Variants in CADM2 observed in about 807,000 individuals in gnomAD.
CADM2 encodes immunoglobulin superfamily member 4D.
In CADM2, 12 loss-of-function variants were observed where a neutral mutation model predicts 49.8. The ratio of observed to expected loss-of-function variants is 0.24; its 90% CI spans 0.15 to 0.39. The LOEUF (loss-of-function observed/expected upper bound fraction) is 0.39. Among genes scored for constraint, CADM2 ranks in the 10% least tolerant of loss-of-function variants. The probability of loss-of-function intolerance (pLI) is 1.00; values close to 1 mark genes in which losing one functional copy is unlikely to be tolerated. For synonymous variants in CADM2, 214 were observed against 175.4 expected (o/e 1.22, Z -1.74); for missense variants, 378 against 492.3 (o/e 0.77, Z 2.20).
intron 1 of CADM2, among the ~76,000 whole-genome samples, chr3:85,428,830 C>T (rs1056977170): frequency 1.3e-5 from 2 of 151,372 alleles, no homozygotes; most frequent in Non-Finnish European, 3.0e-5. Flanking sequence ...TTCTTTTACA[C>T]TCTTTTGCCT....
intron 1 of CADM2, among the ~76,000 whole-genome samples, chr3:84,985,390 A>G (rs2032493317): frequency 2.0e-5 from 3 of 152,160 alleles, no homozygotes; most frequent in Non-Finnish European, 4.4e-5. Flanking sequence ...AAGTTTTAAC[A>G]AATATAACTT....
intron 6 of CADM2, among the ~76,000 whole-genome samples, chr3:85,919,826 G>C (rs985954957): frequency 2.0e-5 from 3 of 151,770 alleles, no homozygotes; most frequent in African/African-American, 7.2e-5. Context: ...CTGTTTAGTT[G>C]CAAAACAATG....
chr3:85,700,231 A>T (rs545595464), intron 1 of CADM2, among the ~76,000 whole-genome samples: 1 of 152,204 alleles, frequency 6.6e-6, no homozygotes, highest in Non-Finnish European at 1.5e-5. Flanking sequence ...AAACTATCGC[A>T]AAAACAAAAA....
chr3:85,034,929 A>C (rs1450580932), intron 1 of CADM2, among the ~76,000 whole-genome samples: 1 of 151,128 alleles, frequency 6.6e-6, no homozygotes, highest in Admixed American at 6.6e-5. Context: ...CAGCCTCCCA[A>C]GTAGCTCGGA....
intron 8 of CADM2, among the ~76,000 whole-genome samples, chr3:85,984,732 C>CA (rs1019001899): frequency 3.3e-5 from 5 of 151,508 alleles, no homozygotes; most frequent in African/African-American, 9.7e-5. Flanking sequence ...GAAAGAAATC[C>CA]AAAAAATGGT....
chr3:85,689,555 T>G (rs2066320444), intron 1 of CADM2, among the ~76,000 whole-genome samples: 1 of 152,130 alleles, frequency 6.6e-6, no homozygotes, highest in Non-Finnish European at 1.5e-5. Context: ...TCCAGAATTA[T>G]TGAGGGATGG....
At chr3:85,636,092 C>T (rs2064466550) in intron 1 of CADM2, among the ~76,000 whole-genome samples, 1 of 152,184 alleles carries the variant, frequency 6.6e-6, no homozygotes, top group African/African-American at 2.4e-5. Flanking sequence ...GTAGATTGTA[C>T]TCCTTCTACT....
chr3:84,974,817 C>A (rs1161236337), intron 1 of CADM2, among the ~76,000 whole-genome samples: 1 of 151,834 alleles, frequency 6.6e-6, no homozygotes, highest in Non-Finnish European at 1.5e-5. Flanking sequence ...ATATTACATT[C>A]TGATATCTTC....
At chr3:85,826,352 A>T (rs574667137) in intron 3 of CADM2, among the ~76,000 whole-genome samples, 1 of 152,158 alleles carries the variant, frequency 6.6e-6, no homozygotes, top group Admixed American at 6.6e-5. Flanking sequence ...ATTACTTTGC[A>T]CTCAACTTCC....
At chr3:85,733,881 C>T (rs2107803002) in intron 2 of CADM2, among the ~76,000 whole-genome samples, 1 of 152,130 alleles carries the variant, frequency 6.6e-6, no homozygotes, top group Non-Finnish European at 1.5e-5. Context: ...TTGGTATTTG[C>T]TTATTCTACA....
At chr3:85,259,420 T>C (rs1394786122) in intron 1 of CADM2, among the ~76,000 whole-genome samples, 1 of 152,114 alleles carries the variant, frequency 6.6e-6, no homozygotes, top group East Asian at 1.9e-4. Context: ...CAGAAAACTT[T>C]CATGATAAAT....
intron 1 of CADM2, among the ~76,000 whole-genome samples, chr3:85,069,181 A>G (rs971650374): frequency 2.6e-5 from 4 of 152,052 alleles, no homozygotes; most frequent in African/African-American, 9.7e-5. Flanking sequence ...GAATAATGGA[A>G]GAGAGAAAAA....
intron 8 of CADM2, among the ~76,000 whole-genome samples, chr3:86,055,868 A>G (rs968745795): frequency 1.3e-5 from 2 of 152,132 alleles, no homozygotes; most frequent in African/African-American, 4.8e-5. Context: ...AAACAGAGAA[A>G]CTGAAACTCT....
intron 1 of CADM2, among the ~76,000 whole-genome samples, chr3:84,961,014 AT>A (rs2030456894): frequency 6.6e-6 from 1 of 151,824 alleles, no homozygotes; most frequent in African/African-American, 2.4e-5. Flanking sequence ...AGGTGACTAG[AT>A]TTTTTTTCTT....
chr3:85,949,018 T>C (rs1265228096), intron 7 of CADM2, among the ~76,000 whole-genome samples: 1 of 151,344 alleles, frequency 6.6e-6, no homozygotes, highest in Non-Finnish European at 1.5e-5. Flanking sequence ...CCACTCAAAA[T>C]TGCAAGAATG....
chr3:85,304,177 T>C (rs1013229850), intron 1 of CADM2, among the ~76,000 whole-genome samples: 2 of 151,764 alleles, frequency 1.3e-5, no homozygotes, highest in Non-Finnish European at 2.9e-5. Context: ...ACATGAAAAA[T>C]ACATATCTGA....
intron 3 of CADM2, among the ~76,000 whole-genome samples, chr3:85,812,058 G>A (rs1364238025): frequency 6.6e-6 from 1 of 151,976 alleles, no homozygotes; most frequent in Admixed American, 6.6e-5. Flanking sequence ...ATTATGCTGG[G>A]CATTGAGAAT....
At chr3:85,573,909 A>G (rs2062554783) in intron 1 of CADM2, among the ~76,000 whole-genome samples, 1 of 152,096 alleles carries the variant, frequency 6.6e-6, no homozygotes, top group African/African-American at 2.4e-5. Flanking sequence ...TTGAGAGTCT[A>G]TTGTAGTAAT....
intron 1 of CADM2, among the ~76,000 whole-genome samples, chr3:84,982,128 TG>T (rs1426360705): frequency 6.6e-6 from 1 of 152,206 alleles, no homozygotes; most frequent in Admixed American, 6.5e-5. Flanking sequence ...ACATGACTTT[TG>T]AATAGTGTGG....
Sources: gnomAD v4.1 joint callset for allele counts (sites outside exome capture counted in the v4.1 genomes callset) on GRCh38, gnomAD v4.1.1 for gene constraint, MANE v1.5 for transcripts, NCBI Gene and HGNC (gene_info 2026-07-23, HGNC 2026-07-21) for gene names.